The following ZNF385D variants were observed in gnomAD, a reference collection of about 807,000 sequenced individuals.
ZNF385D encodes the protein zinc finger protein 385D.
ZNF385D carries 15 observed loss-of-function variants against 35.8 expected under a neutral mutation model. The observed-to-expected ratio is 0.42, with a 90% CI of 0.28 to 0.64. ZNF385D has a LOEUF of 0.64. Ranked by LOEUF, ZNF385D falls within the 30% of genes least tolerant of loss-of-function variation. The pLI, the probability that ZNF385D is intolerant of heterozygous loss-of-function variation, is 0.23. For synonymous variants in ZNF385D, 212 were observed against 186.8 expected (o/e 1.13, Z -1.10); for missense variants, 474 against 494.6 (o/e 0.96, Z 0.39).
intron 3 of ZNF385D, among the ~76,000 whole-genome samples, chr3:22,107,302 C>A (rs1400378225): frequency 6.6e-6 from 1 of 151,966 alleles, no homozygotes; most frequent in Non-Finnish European, 1.5e-5. Flanking sequence ...GGATTACAGG[C>A]ACGAGCCACC....
intron 3 of ZNF385D, chr3:21,511,535 T>C (rs1707200996): frequency 2.7e-6 from 1 of 373,206 alleles, no homozygotes; most frequent in African/African-American, 2.1e-5. Context: ...ATTGAAGCTT[T>C]AGAGTTCAAA....
chr3:21,872,908 A>T (rs1469109402), intron 3 of ZNF385D, among the ~76,000 whole-genome samples: 3 of 152,158 alleles, frequency 2.0e-5, no homozygotes, highest in Non-Finnish European at 4.4e-5. Flanking sequence ...AACAGTTTTA[A>T]CTAGTATTTA....
At chr3:21,907,740 G>A (rs905566627) in intron 3 of ZNF385D, among the ~76,000 whole-genome samples, 1 of 152,036 alleles carries the variant, frequency 6.6e-6, no homozygotes, top group African/African-American at 2.4e-5. Context: ...ATTTTTAAAT[G>A]TTTGACACTA....
chr3:22,056,274 T>TAAAAAAAAAAA (rs1180609438), intron 3 of ZNF385D, among the ~76,000 whole-genome samples: 1 of 64,800 alleles, frequency 1.5e-5, no homozygotes, highest in Non-Finnish European at 3.4e-5. Flanking sequence ...TAGAGTATAA[T>TAAAAAAAAAAA]AAAAAAAAAA....
chr3:22,067,067 T>C (rs1031350388), intron 3 of ZNF385D, among the ~76,000 whole-genome samples: 1 of 152,214 alleles, frequency 6.6e-6, no homozygotes, highest in Non-Finnish European at 1.5e-5. Flanking sequence ...ACTCTTTTAA[T>C]GTTCTTCCTT....
At chr3:22,013,244 A>G (rs1339637229) in intron 3 of ZNF385D, among the ~76,000 whole-genome samples, 1 of 151,528 alleles carries the variant, frequency 6.6e-6, no homozygotes, top group African/African-American at 2.4e-5. Context: ...ACTTGCTTAA[A>G]TATCCTCTAG....
chr3:21,991,571 G>T (rs1442836197), intron 3 of ZNF385D, among the ~76,000 whole-genome samples: 2 of 152,156 alleles, frequency 1.3e-5, no homozygotes, highest in African/African-American at 4.8e-5. Context: ...GTCAAATGGT[G>T]GGCAAAATGT....
chr3:22,072,687 AAG>A (rs1184606647), intron 3 of ZNF385D, among the ~76,000 whole-genome samples: 5 of 151,822 alleles, frequency 3.3e-5, no homozygotes, highest in Admixed American at 6.6e-5. Flanking sequence ...GAAAAGGAGA[AAG>A]AGGGAGAAAG....
At chr3:21,931,185 T>A (rs137894452) in intron 3 of ZNF385D, among the ~76,000 whole-genome samples, 3 of 152,286 alleles carry the variant, frequency 2.0e-5, no homozygotes, top group Admixed American at 1.3e-4. Context: ...AATAAGCACC[T>A]GAAGAATGCT....
chr3:21,525,684 C>CAAAAA (rs11308733), intron 3 of ZNF385D, among the ~76,000 whole-genome samples: 7 of 88,372 alleles, frequency 7.9e-5, no homozygotes, highest in Non-Finnish European at 1.3e-4. Flanking sequence ...AATTCCATCT[C>CAAAAA]AAAAAAAAAA....
At chr3:22,060,771 A>T (rs1342530615) in intron 3 of ZNF385D, among the ~76,000 whole-genome samples, 1 of 152,118 alleles carries the variant, frequency 6.6e-6, no homozygotes, top group Non-Finnish European at 1.5e-5. Flanking sequence ...AGAAAGTCTA[A>T]TAAGAGAAGC....
chr3:22,334,950 CATA>C lies in ZNF385D; in HGVS notation c.106+37497_106+37499del, dbSNP rs542029218. ...TGATAGTTTTCAATATCAATTTTTT[CATA>C]ATGAGAATATTCCTTGTTTAAAAAA... On this transcript the variant is annotated intron_variant, in intron 2 of 5. Transcript: ENST00000494108. 4.2e-4 allele frequency among the ~76,000 whole-genome samples: 64 copies of C among 152,082 alleles called. No homozygotes were observed. In the South Asian group the frequency reaches 0.012, roughly 28 times the overall value.
At chr3:22,367,433 T>C (rs1225122848) in intron 2 of ZNF385D, among the ~76,000 whole-genome samples, 1 of 152,198 alleles carries the variant, frequency 6.6e-6, no homozygotes, top group African/African-American at 2.4e-5. Context: ...GAATAGAATA[T>C]ACTATGAAGT....
At chr3:22,121,199 A>T (rs2125665376) in intron 3 of ZNF385D, among the ~76,000 whole-genome samples, 1 of 152,258 alleles carries the variant, frequency 6.6e-6, no homozygotes, top group Non-Finnish European at 1.5e-5. Context: ...TTACTTCTAA[A>T]CACTCACTGT....
intron 3 of ZNF385D, among the ~76,000 whole-genome samples, chr3:22,048,798 T>C (rs971607170): frequency 6.6e-6 from 1 of 152,212 alleles, no homozygotes; most frequent in Non-Finnish European, 1.5e-5. Context: ...ATTGGAATTT[T>C]GATAGTGATT....
chr3:22,047,579 C>T (rs1042589734), intron 3 of ZNF385D, among the ~76,000 whole-genome samples: 12 of 152,014 alleles, frequency 7.9e-5, no homozygotes, highest in African/African-American at 2.4e-4. Context: ...GACAGGATTT[C>T]CTTCCTGTTT....
chr3:22,004,178 C>G (rs979368897), intron 3 of ZNF385D, among the ~76,000 whole-genome samples: 1 of 152,072 alleles, frequency 6.6e-6, no homozygotes, highest in African/African-American at 2.4e-5. Context: ...GACAAAGGCA[C>G]TAAGAATACA....
chr3:21,721,469 C>T (rs767794067), intron 1 of ZNF385D, among the ~76,000 whole-genome samples: 2 of 151,966 alleles, frequency 1.3e-5, no homozygotes, highest in Admixed American at 6.6e-5. Context: ...AGACTCCACA[C>T]AAACAGAGGA....
chr3:21,449,562 T>G (rs1006179967), intron 4 of ZNF385D, among the ~76,000 whole-genome samples: 1 of 152,212 alleles, frequency 6.6e-6, no homozygotes, highest in Non-Finnish European at 1.5e-5. Flanking sequence ...CTGTTACTTT[T>G]AACAACAACC....
Sources: allele counts gnomAD v4.1 joint callset (sites outside exome capture counted in the v4.1 genomes callset), GRCh38; gene constraint gnomAD v4.1.1; transcripts MANE v1.5; gene names NCBI Gene and HGNC (gene_info 2026-07-23, HGNC 2026-07-21).